Variants in RIT2 observed in about 807,000 individuals in gnomAD.
The protein encoded by RIT2 is GTP-binding protein Rit2.
Under a neutral mutation model 23.7 loss-of-function variants are expected in RIT2, and 24 were observed. The ratio of observed to expected loss-of-function variants is 1.01; its 90% CI spans 0.73 to 1.43. The LOEUF is 1.43. Among genes scored for constraint, RIT2 ranks in the 40% most tolerant of loss-of-function variants. The pLI is 0.00. For missense variants in RIT2, 236 were observed against 266.9 expected (o/e 0.88, Z 0.81); for synonymous variants, 107 against 91.1 (o/e 1.17, Z -0.99).
chr18:42,838,461 G>GT (rs1320016580), intron 4 of RIT2, among the ~76,000 whole-genome samples: 1 of 152,038 alleles, frequency 6.6e-6, no homozygotes, highest in Admixed American at 6.6e-5. Flanking sequence ...TATTATTAGT[G>GT]TATGCTTATG....
At chr18:42,811,349 A>T (rs1905844592) in intron 4 of RIT2, among the ~76,000 whole-genome samples, 1 of 152,114 alleles carries the variant, frequency 6.6e-6, no homozygotes, top group Non-Finnish European at 1.5e-5. Flanking sequence ...TTTGTAGAAG[A>T]TATGTAGATG....
At chr18:43,061,651 G>A (rs147339268) in intron 1 of RIT2, among the ~76,000 whole-genome samples, 12 of 152,058 alleles carry the variant, frequency 7.9e-5, no homozygotes, top group East Asian at 3.9e-4. Flanking sequence ...CCAATTGAAC[G>A]GTGCTTTTTC....
intron 3 of RIT2, among the ~76,000 whole-genome samples, chr18:42,953,359 A>G (rs1052092192): frequency 9.2e-5 from 14 of 152,280 alleles, no homozygotes; most frequent in Non-Finnish European, 1.6e-4. Flanking sequence ...AATGATTAGA[A>G]AGGAAAGATA....
chr18:42,863,401 T>C, intron 4 of RIT2, among the ~76,000 whole-genome samples: 1 of 152,160 alleles, frequency 6.6e-6, no homozygotes, highest in Non-Finnish European at 1.5e-5. Flanking sequence ...AAAGTTTACC[T>C]CTACCATTAT....
At chr18:42,819,595 T>C (rs1487389274) in intron 4 of RIT2, among the ~76,000 whole-genome samples, 1 of 152,104 alleles carries the variant, frequency 6.6e-6, no homozygotes, top group Non-Finnish European at 1.5e-5. Flanking sequence ...TCTACAAATA[T>C]CAATTAGTTT....
In RIT2 at chr18:43,059,516, C is replaced by T. The variant is rs114573652; in HGVS notation, c.104-25649G>A. The stretch of plus-strand genomic sequence containing the variant: ...TAGTATAGCATAATTAGGTTAGAAA[C>T]AGGACAGCAAACAGAATGAAGAGTT... On this transcript the variant is annotated intron_variant, in intron 1 of 4. Coordinates refer to ENST00000326695, the MANE Select transcript of RIT2 (RefSeq NM_002930.4). Among the ~76,000 whole-genome samples the T allele has an allele frequency of 4.5e-3, 684 of 152,242 alleles. 6 individuals carry two copies. Among genetic ancestry groups the T allele is most frequent in the African/African-American group, 0.016 (654 of 41,570 alleles).
intron 4 of RIT2, among the ~76,000 whole-genome samples, chr18:42,824,997 T>C (rs912370120): frequency 6.6e-6 from 1 of 151,948 alleles, no homozygotes; most frequent in Non-Finnish European, 1.5e-5. Context: ...TCAACTCCAT[T>C]AATTGCAGGA....
At chr18:42,983,574 C>T (rs1040938527) in intron 2 of RIT2, among the ~76,000 whole-genome samples, 4 of 151,966 alleles carry the variant, frequency 2.6e-5, no homozygotes, top group African/African-American at 9.7e-5. Flanking sequence ...CCAGCTAGAA[C>T]AGCAGAAAAT....
chr18:42,952,206 GA>G (rs1210013582), intron 3 of RIT2, among the ~76,000 whole-genome samples: 1 of 152,106 alleles, frequency 6.6e-6, no homozygotes, highest in Non-Finnish European at 1.5e-5. Flanking sequence ...CCTTCAAAAG[GA>G]AGGAAATCCT....
chr18:42,932,046 A>G (rs957788690), intron 3 of RIT2, among the ~76,000 whole-genome samples: 5 of 152,150 alleles, frequency 3.3e-5, no homozygotes, highest in African/African-American at 1.2e-4. Context: ...TTCAGTAAAA[A>G]CCAAATGATC....
chr18:43,094,128 T>TG lies in RIT2; in HGVS notation c.103+21288_103+21289insC, dbSNP rs991336693. Among the ~76,000 whole-genome samples the TG allele has an allele frequency of 1.2e-4, 15 of 130,360 alleles. No individual in the cohort carries two copies. In the East Asian group the frequency reaches 2.6e-3, roughly 23 times the overall value. 85.5% of individuals were successfully genotyped at this position (130,360 alleles called of 152,430 possible). A position where few individuals can be genotyped will look rare whatever the true frequency, so the allele number is the denominator to read the frequency against. On this transcript the variant is annotated intron_variant, in intron 1 of 4. Coordinates refer to ENST00000326695, the MANE Select transcript of RIT2 (RefSeq NM_002930.4). ...GGTATTAGTGGGTTTTTTTTGTTTT[T>TG]TTTTTTTTTTTTCACTTTGCCTCAG... is the stretch of plus-strand genomic sequence containing the variant.
At chr18:42,949,870 C>A (rs555937664) in intron 3 of RIT2, among the ~76,000 whole-genome samples, 12 of 152,034 alleles carry the variant, frequency 7.9e-5, no homozygotes, top group African/African-American at 1.2e-4. Flanking sequence ...CTGAAGGGAG[C>A]ATTTTTAGGG....
At position 42,965,145 on chromosome 18, in the gene RIT2, G is replaced by C. The variant is rs544361265; in HGVS notation, c.234+8929C>G. On this transcript the variant is annotated intron_variant, in intron 3 of 4. Transcript: ENST00000326695. ...GCTATCAGTAATGTTCAGAGAACAT[G>C]ATCCATGTCCAATACTGAATAGTTC... is the stretch of plus-strand genomic sequence containing the variant. Among the ~76,000 whole-genome samples the C allele has an allele frequency of 5.2e-4, 79 of 152,322 alleles. 1 individual carries two copies. In the South Asian group the frequency reaches 7.0e-3, roughly 14 times the overall value.
At chr18:42,818,025 G>A (rs1906045945) in intron 4 of RIT2, among the ~76,000 whole-genome samples, 2 of 151,784 alleles carry the variant, frequency 1.3e-5, no homozygotes, top group South Asian at 4.2e-4. Flanking sequence ...TATTATTAGA[G>A]TAATATATTT....
chr18:42,817,074 CT>C (rs1036280463), intron 4 of RIT2, among the ~76,000 whole-genome samples: 76 of 146,320 alleles, frequency 5.2e-4, no homozygotes, highest in African/African-American at 6.7e-4. Flanking sequence ...TGAAGTAAAA[CT>C]TTTTTTTTTT....
At chr18:42,766,836 G>A (rs902226218) in intron 4 of RIT2, among the ~76,000 whole-genome samples, 1 of 152,190 alleles carries the variant, frequency 6.6e-6, no homozygotes, top group South Asian at 2.1e-4. Flanking sequence ...TGCCCCAGCC[G>A]TGGCTGAAAG....
chr18:42,983,781 A>G (rs1030838351), intron 2 of RIT2, among the ~76,000 whole-genome samples: 14 of 152,114 alleles, frequency 9.2e-5, no homozygotes, highest in Admixed American at 9.2e-4. Flanking sequence ...AGCCTTAAAT[A>G]AGTACAAATT....
chr18:42,896,444 A>G (rs1908332924), intron 4 of RIT2, among the ~76,000 whole-genome samples: 1 of 152,182 alleles, frequency 6.6e-6, no homozygotes. Context: ...GATTTTTTAG[A>G]GAGAGGAAAG....
At chr18:42,951,924 C>A (rs1007529564) in intron 3 of RIT2, among the ~76,000 whole-genome samples, 9 of 152,100 alleles carry the variant, frequency 5.9e-5, no homozygotes, top group Non-Finnish European at 1.2e-4. Flanking sequence ...GGAGGCCTCA[C>A]AATCATGGCT....
Sources: gnomAD v4.1 joint callset for allele counts (sites outside exome capture counted in the v4.1 genomes callset) on GRCh38, gnomAD v4.1.1 for gene constraint, MANE v1.5 for transcripts, NCBI Gene and HGNC (gene_info 2026-07-23, HGNC 2026-07-21) for gene names.